PPIP5K1: variants seen among roughly 807,000 people sequenced by gnomAD.
PPIP5K1 encodes inositol hexakisphosphate and diphosphoinositol-pentakisphosphate kinase 1.
Under a neutral mutation model 27.7 loss-of-function variants are expected in PPIP5K1, and 6 were observed. The ratio of observed to expected loss-of-function variants is 0.22; its 90% CI spans 0.12 to 0.43. The LOEUF (loss-of-function observed/expected upper bound fraction) is 0.43, where lower values mean the gene tolerates loss of function less well. Among genes scored for constraint, PPIP5K1 ranks in the 20% least tolerant of loss-of-function variants. PPIP5K1 has a pLI of 1.00. For synonymous variants in PPIP5K1, 145 were observed against 242.6 expected, an observed-to-expected ratio of 0.60 and a Z score of 3.74; for missense variants, 394 against 635.4, an observed-to-expected ratio of 0.62 and a Z score of 4.08.
chr15:43,553,169 T>A (rs2082449822), intron 30 of PPIP5K1, among the ~76,000 whole-genome samples: 1 of 152,272 alleles, frequency 6.6e-6, no homozygotes. Context: ...TTCAACTTTT[T>A]AAAATTTATA....
At position 43,580,633 on chromosome 15, in the gene PPIP5K1, C is replaced by T. The variant is rs1368889568; in HGVS notation, c.1061+369G>A. Among the ~76,000 whole-genome samples, 2 of 112,546 alleles carry T rather than the reference C, an allele frequency of 1.8e-5. 1 individual carries two copies. Among genetic ancestry groups the T allele is most frequent in the African/African-American group, 9.9e-5 (2 of 20,270 alleles). 73.8% of individuals were successfully genotyped at this position (112,546 alleles called of 152,430 possible). On this transcript the variant is annotated intron_variant, in intron 10 of 31. Transcript: ENST00000420765. ...TATTGGGACGCAGTTTTGCTCTTGTCACCCAGGCTGGAGTGCAATGGCACT... is the reference window on the plus strand; with the variant it reads ...TATTGGGACGCAGTTTTGCTCTTGTTACCCAGGCTGGAGTGCAATGGCACT...
At chr15:43,543,157 C>T (rs914281433) in intron 30 of PPIP5K1, among the ~76,000 whole-genome samples, 39 of 149,418 alleles carry the variant, frequency 2.6e-4, no homozygotes, top group African/African-American at 9.4e-4. Flanking sequence ...TTAGCTATTC[C>T]AATGGTAAAT....
At chr15:43,541,360 G>A (rs935956056) in intron 30 of PPIP5K1, among the ~76,000 whole-genome samples, 1 of 152,052 alleles carries the variant, frequency 6.6e-6, no homozygotes, top group Non-Finnish European at 1.5e-5. Context: ...CAATGTGCCC[G>A]CCTCAGCCTT....
intron 30 of PPIP5K1, among the ~76,000 whole-genome samples, chr15:43,542,665 TG>T (rs200652191): frequency 0.031 from 4,218 of 137,478 alleles, 213 homozygotes; most frequent in African/African-American, 0.11. Context: ...TGTGTGTGTG[TG>T]TGTGTGTGTG....
At chr15:43,543,122 G>T (rs1408790224) in intron 30 of PPIP5K1, among the ~76,000 whole-genome samples, 3 of 151,402 alleles carry the variant, frequency 2.0e-5, no homozygotes, top group Admixed American at 6.6e-5. Context: ...AAACAAAATT[G>T]GTTCTTGGTG....
intron 30 of PPIP5K1, among the ~76,000 whole-genome samples, chr15:43,542,086 G>T (rs1190885930): frequency 6.6e-6 from 1 of 152,108 alleles, no homozygotes; most frequent in East Asian, 1.9e-4. Flanking sequence ...ATCCTTTGAG[G>T]AATGTCTAGT....
intron 30 of PPIP5K1, among the ~76,000 whole-genome samples, chr15:43,550,657 G>T (rs1214549189): frequency 6.6e-5 from 10 of 152,016 alleles, no homozygotes. Context: ...AATAGCAGTG[G>T]TTGAAGCCGG....
At chr15:43,549,080 T>TACACACAC (rs1555427780) in intron 30 of PPIP5K1, among the ~76,000 whole-genome samples, 2 of 113,170 alleles carry the variant, frequency 1.8e-5, no homozygotes, top group African/African-American at 6.7e-5. Context: ...TATATATATA[T>TACACACAC]ACATATATAT....
chr15:43,557,250 C>G (rs2083090964), intron 30 of PPIP5K1, among the ~76,000 whole-genome samples: 1 of 152,140 alleles, frequency 6.6e-6, no homozygotes, highest in South Asian at 2.1e-4. Context: ...AGTTCAAGAC[C>G]AGCCTGGGCA....
intron 30 of PPIP5K1, among the ~76,000 whole-genome samples, chr15:43,542,775 G>A (rs1293893324): frequency 6.6e-6 from 1 of 151,220 alleles, no homozygotes; most frequent in Non-Finnish European, 1.5e-5. Flanking sequence ...TCAAACTCCT[G>A]GGCTCAAGCA....
chr15:43,555,776 T>G (rs1234244476), intron 30 of PPIP5K1, among the ~76,000 whole-genome samples: 1 of 151,996 alleles, frequency 6.6e-6, no homozygotes, highest in Non-Finnish European at 1.5e-5. Context: ...CGGCTAATTT[T>G]TTGTATTTTA....
intron 30 of PPIP5K1, among the ~76,000 whole-genome samples, chr15:43,558,375 A>T (rs117155554): frequency 0.017 from 2,606 of 151,968 alleles, 39 homozygotes; most frequent in Non-Finnish European, 0.025. Context: ...CTGCAGGCGC[A>T]CACCACCGCA....
chr15:43,552,237 G>A (rs994186665), intron 30 of PPIP5K1, among the ~76,000 whole-genome samples: 3 of 151,954 alleles, frequency 2.0e-5, no homozygotes, highest in Admixed American at 1.3e-4. Flanking sequence ...TTACAAATGT[G>A]AGCCACTACA....
rs186324422 is a variant in PPIP5K1, at chr15:43,559,380, A to T, written c.3419-448T>A. 2.6e-5 allele frequency among the ~76,000 whole-genome samples: 4 copies of T among 152,326 alleles called. No individual in the cohort carries two copies. In the East Asian group the frequency reaches 7.7e-4, roughly 29 times the overall value. Reference sequence around the variant, plus strand: ...TGGGTATCATGAATAAGAGAACCAGATTAAGGAGAAGGACATGGAATCTGA... The same window carrying T: ...TGGGTATCATGAATAAGAGAACCAGTTTAAGGAGAAGGACATGGAATCTGA... On this transcript the variant is annotated intron_variant, in intron 29 of 31. Transcript: ENST00000420765.
chr15:43,554,119 C>T (rs1300850534), intron 30 of PPIP5K1, among the ~76,000 whole-genome samples: 3 of 152,088 alleles, frequency 2.0e-5, no homozygotes, highest in South Asian at 4.1e-4. Flanking sequence ...GCCTGGGCAA[C>T]AGAGCAAGAC....
intron 30 of PPIP5K1, among the ~76,000 whole-genome samples, chr15:43,557,542 C>A (rs1173614004): frequency 6.6e-6 from 1 of 152,108 alleles, no homozygotes; most frequent in South Asian, 2.1e-4. Context: ...CTGCAATAAG[C>A]TACGACTGCA....
Position 43,579,424 on chromosome 15 carries a change from G to A in PPIP5K1, c.1062-304C>T, listed in dbSNP as rs868122287. On this transcript the variant is annotated intron_variant, in intron 10 of 31. Transcript: ENST00000420765. ...CACACACACACACACACACACACAC[G>A]TATGTGTACATACACACACGTATGT... Among the ~76,000 whole-genome samples the A allele has an allele frequency of 2.3e-4, 13 of 56,264 alleles. No homozygotes were observed. In the South Asian group the frequency reaches 3.5e-3, roughly 15 times the overall value. 36.9% of individuals were successfully genotyped at this position (56,264 alleles called of 152,430 possible).
chr15:43,544,767 C>G (rs1268179258), intron 30 of PPIP5K1, among the ~76,000 whole-genome samples: 1 of 152,102 alleles, frequency 6.6e-6, no homozygotes, highest in Admixed American at 6.6e-5. Context: ...CAGGCATGAT[C>G]ATACCACAGT....
intron 30 of PPIP5K1, among the ~76,000 whole-genome samples, chr15:43,550,502 G>T (rs746386807): frequency 3.3e-5 from 5 of 152,006 alleles, no homozygotes; most frequent in Non-Finnish European, 5.9e-5. Context: ...TTTAATAGCC[G>T]CTTTTTTATT....
Sources: allele counts gnomAD v4.1 joint callset (sites outside exome capture counted in the v4.1 genomes callset), GRCh38; gene constraint gnomAD v4.1.1; transcripts MANE v1.5; gene names NCBI Gene and HGNC (gene_info 2026-07-23, HGNC 2026-07-21).